SDK1: variants seen among roughly 807,000 people sequenced by gnomAD.
The protein encoded by SDK1 is sidekick cell adhesion molecule 1.
In SDK1, 157 loss-of-function variants were observed where a neutral mutation model predicts 245.5. The ratio of observed to expected loss-of-function variants is 0.64; its 90% CI spans 0.56 to 0.73. The LOEUF is 0.73. Ranked by LOEUF, SDK1 falls within the 30% of genes least tolerant of loss-of-function variation. The pLI is 0.00. For synonymous variants in SDK1, 1,647 were observed against 1,278.5 expected (o/e 1.29, Z -6.15); for missense variants, 3,583 against 3,002.3 (o/e 1.19, Z -4.52).
chr7:3,412,399 T>A (rs1779235054), intron 1 of SDK1, among the ~76,000 whole-genome samples: 1 of 152,210 alleles, frequency 6.6e-6, no homozygotes, highest in Non-Finnish European at 1.5e-5. Flanking sequence ...ACATGTTTCT[T>A]GGAGCTGACT....
intron 4 of SDK1, among the ~76,000 whole-genome samples, chr7:3,790,236 A>T (rs1781037016): frequency 6.6e-6 from 1 of 152,114 alleles, no homozygotes; most frequent in Non-Finnish European, 1.5e-5. Flanking sequence ...GAAGAAATGG[A>T]ATGGGTTCAG....
intron 17 of SDK1, among the ~76,000 whole-genome samples, chr7:4,040,768 G>C (rs1023705487): frequency 6.6e-6 from 1 of 152,160 alleles, no homozygotes; most frequent in Non-Finnish European, 1.5e-5. Context: ...TATGCGGATG[G>C]GTTATCTCCC....
intron 22 of SDK1, 31 bp from the exon 23 acceptor site, chr7:4,110,632 C>A (rs746803080): frequency 6.7e-7 from 1 of 1,490,030 alleles, no homozygotes; most frequent in Non-Finnish European, 9.4e-7. Context: ...TAAGGCATGT[C>A]CAGCCCATCT....
At chr7:3,430,123 C>T (rs570609696) in intron 1 of SDK1, among the ~76,000 whole-genome samples, 1 of 152,190 alleles carries the variant, frequency 6.6e-6, no homozygotes, top group Non-Finnish European at 1.5e-5. Context: ...GGACAGTAGG[C>T]CTGTGTTTAC....
chr7:3,771,789 G>A (rs1429064586), intron 4 of SDK1, among the ~76,000 whole-genome samples: 1 of 151,942 alleles, frequency 6.6e-6, no homozygotes, highest in Non-Finnish European at 1.5e-5. Flanking sequence ...AACCATATTT[G>A]AATGTATACT....
chr7:4,218,811 A>G (rs1784982968), intron 38 of SDK1, among the ~76,000 whole-genome samples: 1 of 152,044 alleles, frequency 6.6e-6, no homozygotes, highest in Admixed American at 6.6e-5. Flanking sequence ...ACACCTTGAT[A>G]TCCTCCTCCA....
intron 1 of SDK1, among the ~76,000 whole-genome samples, chr7:3,576,738 G>C (rs532743314): frequency 4.6e-5 from 7 of 152,110 alleles, no homozygotes; most frequent in African/African-American, 2.4e-5. Context: ...AAACTAAGAA[G>C]TGTTTCTTAT....
At chr7:3,727,546 A>G (rs1003518934) in intron 4 of SDK1, among the ~76,000 whole-genome samples, 2 of 152,070 alleles carry the variant, frequency 1.3e-5, no homozygotes, top group Non-Finnish European at 2.9e-5. Context: ...GCTGGAGTGC[A>G]GTGGCGCCAT....
At chr7:4,056,894 C>T (rs928317857) in intron 19 of SDK1, among the ~76,000 whole-genome samples, 9 of 152,140 alleles carry the variant, frequency 5.9e-5, no homozygotes, top group African/African-American at 1.9e-4. Context: ...CTCCCGACAG[C>T]CTCTGCATCT....
intron 4 of SDK1, among the ~76,000 whole-genome samples, chr7:3,645,112 A>G (rs1401089140): frequency 1.3e-5 from 2 of 152,230 alleles, no homozygotes; most frequent in Non-Finnish European, 2.9e-5. Context: ...ATTCACGAGT[A>G]TGACAGGGTA....
intron 1 of SDK1, among the ~76,000 whole-genome samples, chr7:3,341,668 A>C (rs924104483): frequency 3.3e-5 from 5 of 152,364 alleles, no homozygotes; most frequent in African/African-American, 1.2e-4. Flanking sequence ...ATATGCAGAA[A>C]CTGAAATTAA....
chr7:4,047,115 GTTTTATAGGTGCCCT>G (rs1562723874), intron 17 of SDK1, among the ~76,000 whole-genome samples: 1 of 152,106 alleles, frequency 6.6e-6, no homozygotes, highest in African/African-American at 2.4e-5. Context: ...AGCTGTAGGC[GTTTTATAGGTGCCCT>G]TTTTAAAATT....
intron 32 of SDK1, among the ~76,000 whole-genome samples, chr7:4,165,921 G>A (rs1781471157): frequency 6.6e-6 from 1 of 152,088 alleles, no homozygotes; most frequent in African/African-American, 2.4e-5. Context: ...CCAGTGTCTA[G>A]GACTACAGGT....
chr7:3,532,749 G>A (rs1312463154), intron 1 of SDK1, among the ~76,000 whole-genome samples: 1 of 152,124 alleles, frequency 6.6e-6, no homozygotes, highest in African/African-American at 2.4e-5. Flanking sequence ...AGACTCCTCT[G>A]CACTCTGCAT....
intron 1 of SDK1, among the ~76,000 whole-genome samples, chr7:3,609,153 CTT>C (rs1030952650): frequency 1.3e-5 from 2 of 151,992 alleles, no homozygotes; most frequent in African/African-American, 4.8e-5. Context: ...GAATTAATAA[CTT>C]TTTAAAGTTC....
chr7:4,193,657 G>T (rs1319520108), intron 35 of SDK1, among the ~76,000 whole-genome samples: 1 of 152,014 alleles, frequency 6.6e-6, no homozygotes, highest in African/African-American at 2.4e-5. Flanking sequence ...TTAACTTGCA[G>T]GTCAGCCACT....
rs34389322 is a variant in SDK1 at position 3,704,363 on chromosome 7, A to ATTT, written c.713+62270_713+62272dup. 2.2e-3 allele frequency among the ~76,000 whole-genome samples: 318 copies of ATTT among 143,438 alleles called. 3 individuals carry two copies. Among genetic ancestry groups the ATTT allele is most frequent in the South Asian group, 0.02 (91 of 4,518 alleles). 94.1% of individuals were successfully genotyped at this position (143,438 alleles called of 152,430 possible). Reference sequence around the variant, plus strand: ...AGGATGAGGATCCATGCCAATATCGATTTTTTTTTTTTTTACTTTTTAATA... The same window carrying ATTT: ...AGGATGAGGATCCATGCCAATATCGATTTTTTTTTTTTTTTTTACTTTTTAATA... On this transcript the variant is annotated intron_variant, in intron 4 of 44. Transcript: ENST00000404826.
intron 1 of SDK1, among the ~76,000 whole-genome samples, chr7:3,586,280 G>C (rs1389639178): frequency 6.6e-6 from 1 of 152,066 alleles, no homozygotes; most frequent in Non-Finnish European, 1.5e-5. Flanking sequence ...CTCCGAAAGA[G>C]CCCGCCCTAG....
intron 25 of SDK1, among the ~76,000 whole-genome samples, chr7:4,125,489 T>TGATG (rs138042822): frequency 0.21 from 30,798 of 146,400 alleles, 3,359 homozygotes; most frequent in Middle Eastern, 0.33. Context: ...ATGGATTGAT[T>TGATG]GATGGATGGA....
Sources: allele counts gnomAD v4.1 joint callset (sites outside exome capture counted in the v4.1 genomes callset), GRCh38; gene constraint gnomAD v4.1.1; transcripts MANE v1.5; gene names NCBI Gene and HGNC (gene_info 2026-07-23, HGNC 2026-07-21).